PCDHGA10: variants seen among roughly 807,000 people sequenced by gnomAD.
PCDHGA10 encodes the protein protocadherin gamma subfamily A, 10, also known as protocadherin gamma-A10.
Under a neutral mutation model 59.5 loss-of-function variants are expected in PCDHGA10, and 42 were observed. That is an observed-to-expected ratio of 0.71 (90% CI 0.55 to 0.91). PCDHGA10 has a LOEUF of 0.91. Ranked by LOEUF, PCDHGA10 falls within the 40% of genes least tolerant of loss-of-function variation. The pLI, the probability that PCDHGA10 is intolerant of heterozygous loss-of-function variation, is 0.00. For missense variants in PCDHGA10, 1,111 were observed against 1,198.2 expected, an observed-to-expected ratio of 0.93 and a Z score of 1.07; for synonymous variants, 511 against 517.2, an observed-to-expected ratio of 0.99 and a Z score of 0.16.
Position 141,413,768 on chromosome 5 carries a change from TG to T in PCDHGA10, c.595del (p.Val199TyrfsTer6), listed in dbSNP as rs1158107882. The T allele has an allele frequency of 2.5e-6, 4 of 1,613,132 alleles. No homozygotes were observed. The highest frequency in any genetic ancestry group is 3.4e-6 in the Non-Finnish European group (4 of 1,179,898). ...SRANGVKYPE[L>X]VLEHSLDREE... ...GCCAATGGCGTCAAGTACCCGGAGC[TG>T]GTACTGGAGCACTCCCTAGATCGCG... is the stretch of plus-strand genomic sequence containing the variant. On this transcript the variant is annotated frameshift_variant, in exon 1 of 4. Coordinates refer to ENST00000398610, the MANE Select transcript of PCDHGA10 (RefSeq NM_018913.3). LOFTEE classifies it high-confidence loss of function.
At chr5:141,469,780 G>A (rs775691161) in intron 1 of PCDHGA10, among the ~76,000 whole-genome samples, 12 of 152,080 alleles carry the variant, frequency 7.9e-5, no homozygotes, top group Non-Finnish European at 1.8e-4. Context: ...ATTTATTACA[G>A]CGTTATTTGT....
In PCDHGA10 at chr5:141,415,130, A is replaced by G. The variant is rs2095833213; in HGVS notation, c.1955A>G (p.Asp652Gly). Residue 652 changes from aspartate to glycine, a missense_variant, in exon 1 of 4, where the codon GAC (aspartate) becomes GGC (glycine). By Grantham distance (94) the Asp-to-Gly change is moderately conservative (BLOSUM62 -1). Coordinates refer to ENST00000398610, the MANE Select transcript of PCDHGA10 (RefSeq NM_018913.3). ...CAAAGCCTCGTAGTGGCCGTCCAGG[A>G]CCACGGCCAGCCCCCTCTCTCCGCC... Reference protein sequence around the residue: ...LKQSLVVAVQDHGQPPLSATV... With the variant: ...LKQSLVVAVQGHGQPPLSATV... The G allele has an allele frequency of 1.9e-6, 3 of 1,613,636 alleles. No individual in the cohort carries two copies. Among genetic ancestry groups the G allele is most frequent in the South Asian group, 1.1e-5 (1 of 91,082 alleles).
In PCDHGA10 at chr5:141,511,618, T is replaced by C. The variant is rs1227028784; in HGVS notation, c.*445T>C. 4.3e-6 allele frequency: 1 copy of C among 232,232 alleles called. No homozygotes were observed. Among genetic ancestry groups the C allele is most frequent in the East Asian group, 9.9e-5 (1 of 10,122 alleles). 14.4% of individuals were successfully genotyped at this position (232,232 alleles called of 1,614,324 possible). A position where few individuals can be genotyped will look rare whatever the true frequency, so the allele number is the denominator to read the frequency against. ...AAGTAACCTACAAGCCTCCTAGTTCTGAAAAGTTGGAAGGGCATCATGACC... is the reference window on the plus strand; with the variant it reads ...AAGTAACCTACAAGCCTCCTAGTTCCGAAAAGTTGGAAGGGCATCATGACC... On this transcript the variant is annotated 3_prime_UTR_variant, in exon 4 of 4. Transcript: ENST00000398610.
chr5:141,505,468 G>A lies in PCDHGA10; in HGVS notation c.2571G>A (p.Leu857=). 1 of 1,614,212 alleles carries A rather than the reference G, an allele frequency of 6.2e-7. No homozygotes were observed. Among genetic ancestry groups the A allele is most frequent in the Non-Finnish European group, 8.5e-7 (1 of 1,180,020 alleles). The change falls in exon 3 of 4, where the codon TTG becomes TTA. Residue 857 remains leucine (L), a synonymous_variant. Coordinates refer to ENST00000398610, the MANE Select transcript of PCDHGA10 (RefSeq NM_018913.3). The stretch of plus-strand genomic sequence containing the variant: ...CAGAGATGCTGCAAGCCATGATCTT[G>A]GCGTCCGCCAGTGGTAAGTGGTGTC... The part of the protein sequence containing the change: ...FDTEMLQAMI[L]ASASEAADGS...
In PCDHGA10 at chr5:141,477,650, A is replaced by G. The variant is rs199931735; in HGVS notation, c.2437-17157A>G. ...CGGGCTAGTGGGTCGCTATTTCACA[A>G]TAAATCGTGACAATGGCATAGTGTC... On this transcript the variant is annotated intron_variant, in intron 1 of 3. Transcript: ENST00000398610. This position sits in a 1 kb window ranked among gnomAD's most constrained non-coding sequence, Gnocchi z 4.9. The G allele has an allele frequency of 6.2e-6, 10 of 1,614,212 alleles. No individual in the cohort carries two copies. The highest frequency in any genetic ancestry group is 2.2e-5 in the East Asian group (1 of 44,888).
At position 141,432,724 on chromosome 5, in the gene PCDHGA10, C is replaced by T. The variant is rs752394602; in HGVS notation, c.2436+17113C>T. ...AGGACCACGGCCAGCCCCCTCTCTCCGCCACTGTCACGCTCACCGTGGCCG... is the reference window on the plus strand; with the variant it reads ...AGGACCACGGCCAGCCCCCTCTCTCTGCCACTGTCACGCTCACCGTGGCCG... On this transcript the variant is annotated intron_variant, in intron 1 of 3. Coordinates refer to ENST00000398610, the MANE Select transcript of PCDHGA10 (RefSeq NM_018913.3). The surrounding 1 kb of genome is among the most constrained non-coding windows in gnomAD (Gnocchi z 6.0). The T allele has an allele frequency of 8.1e-6, 13 of 1,614,066 alleles. No individual in the cohort carries two copies. Among genetic ancestry groups the T allele is most frequent in the Middle Eastern group, 1.6e-4 (1 of 6,062 alleles).
At position 141,478,147 on chromosome 5, in the gene PCDHGA10, C is replaced by T. The variant is rs199689679; in HGVS notation, c.2437-16660C>T. On this transcript the variant is annotated intron_variant, in intron 1 of 3. Transcript: ENST00000398610. The stretch of plus-strand genomic sequence containing the variant: ...ACTCTCCTGAAGCCCGAGCCGAGTT[C>T]CCCTCTGGCTCTGCCCCCCGGGAGC... The T allele has an allele frequency of 2.0e-5, 32 of 1,614,076 alleles. 1 individual carries two copies. In the East Asian group the frequency reaches 5.3e-4, roughly 27 times the overall value.
In PCDHGA10 at chr5:141,487,161, T is replaced by G; in HGVS notation, c.2437-7646T>G. ...CTCTCTACCTCTGTTACTCTCTTAGTGTCCTTAGAGGAAGACACTCATCCA... is the reference window on the plus strand; with the variant it reads ...CTCTCTACCTCTGTTACTCTCTTAGGGTCCTTAGAGGAAGACACTCATCCA... On this transcript the variant is annotated intron_variant, in intron 1 of 3. Transcript: ENST00000398610. The surrounding 1 kb of genome is among the most constrained non-coding windows in gnomAD (Gnocchi z 5.0). The G allele has an allele frequency of 6.2e-7, 1 of 1,613,528 alleles. No individual in the cohort carries two copies. The highest frequency in any genetic ancestry group is 1.1e-5 in the South Asian group (1 of 91,072).
intron 1 of PCDHGA10, chr5:141,420,396 A>C: frequency 8.0e-7 from 1 of 1,250,930 alleles, no homozygotes; most frequent in Non-Finnish European, 1.1e-6. Context: ...ATATAGGTCA[A>C]ATTTATGGTT....
chr5:141,433,571 C>T lies in PCDHGA10; in HGVS notation c.2436+17960C>T, dbSNP rs2097625242. ...TCTTTTCTGGCTGGGCGCGGTGGCT[C>T]ACGCCTGTAATCCCAGTACTTTGGG... On this transcript the variant is annotated intron_variant, in intron 1 of 3. Coordinates refer to ENST00000398610, the MANE Select transcript of PCDHGA10 (RefSeq NM_018913.3). 3.9e-5 allele frequency among the ~76,000 whole-genome samples: 6 copies of T among 152,228 alleles called. No homozygotes were observed. The South Asian group carries it at 1.2e-3, about 32-fold the overall frequency.
chr5:141,476,562 C>A lies in PCDHGA10; in HGVS notation c.2437-18245C>A. On this transcript the variant is annotated intron_variant, in intron 1 of 3. Transcript: ENST00000398610. This position sits in a 1 kb window ranked among gnomAD's most constrained non-coding sequence, Gnocchi z 7.6. ...AAATTGGAGATTAGCGAGGCCGTGG[C>A]TCCGGGGACGCGCTTTCCGCTCGAG... 1 of 1,614,218 alleles carries A rather than the reference C, an allele frequency of 6.2e-7. No homozygotes were observed. The highest frequency in any genetic ancestry group is 8.5e-7 in the Non-Finnish European group (1 of 1,180,034).
intron 2 of PCDHGA10, among the ~76,000 whole-genome samples, chr5:141,495,703 GGAGT>G (rs2099763108): frequency 6.6e-6 from 1 of 152,098 alleles, no homozygotes; most frequent in South Asian, 2.1e-4. Context: ...CAATAAATGT[GGAGT>G]GAGTAACTAC....
rs1286991812 is a variant in PCDHGA10 at position 141,432,170 on chromosome 5, C to T, written c.2436+16559C>T. The T allele has an allele frequency of 1.2e-6, 2 of 1,614,072 alleles. No homozygotes were observed. The highest frequency in any genetic ancestry group is 1.7e-6 in the Non-Finnish European group (2 of 1,180,036). ...AGAGAACAATCCCAGAGGAGTTTCC[C>T]TCGTCTCTGTGACCGCCCACGACCC... On this transcript the variant is annotated intron_variant, in intron 1 of 3. Coordinates refer to ENST00000398610, the MANE Select transcript of PCDHGA10 (RefSeq NM_018913.3). This position sits in a 1 kb window ranked among gnomAD's most constrained non-coding sequence, Gnocchi z 6.0.
At chr5:141,427,007 C>T (rs1215109574) in intron 1 of PCDHGA10, 2 of 456,668 alleles carry the variant, frequency 4.4e-6, no homozygotes, top group Admixed American at 2.3e-5. Flanking sequence ...CAGTTTTTAG[C>T]CAGGATGTAT....
rs2099746025 is a variant in PCDHGA10 at position 141,493,066 on chromosome 5, T to C, written c.2437-1741T>C. On this transcript the variant is annotated intron_variant, in intron 1 of 3. Coordinates refer to ENST00000398610, the MANE Select transcript of PCDHGA10 (RefSeq NM_018913.3). This position sits in a 1 kb window ranked among gnomAD's most constrained non-coding sequence, Gnocchi z 4.3. ...AACTACAATAGTAAAAAACACAAGT[T>C]TCTCCAACTCCAGGAGCTTTTATTC... Among the ~76,000 whole-genome samples the C allele has an allele frequency of 6.6e-6, 1 of 152,202 alleles. No homozygotes were observed. Among genetic ancestry groups the C allele is most frequent in the East Asian group, 1.9e-4 (1 of 5,194 alleles).
In PCDHGA10 at chr5:141,510,915, A is replaced by G; in HGVS notation, c.2585-32A>G. 8 of 1,613,786 alleles carry G rather than the reference A, an allele frequency of 5.0e-6. No individual in the cohort carries two copies. The South Asian group carries it at 8.8e-5, about 18-fold the overall frequency. ...AGTGACTGTTGAGGACCCTAAGTTT[A>G]GCTCCCACCTGATCTTCCTCTGTCT... On this transcript the variant is annotated intron_variant, in intron 3 of 3. Coordinates refer to ENST00000398610, the MANE Select transcript of PCDHGA10 (RefSeq NM_018913.3).
At position 141,431,427 on chromosome 5, in the gene PCDHGA10, C is replaced by G. The variant is rs1269666597; in HGVS notation, c.2436+15816C>G. The stretch of plus-strand genomic sequence containing the variant: ...TCCGACGGGGGCGACCCGGTGCGCA[C>G]AGGCACCGCGCGCATCCGCGTGATG... On this transcript the variant is annotated intron_variant, in intron 1 of 3. Transcript: ENST00000398610. The surrounding 1 kb of genome is among the most constrained non-coding windows in gnomAD (Gnocchi z 4.8). 1.2e-6 allele frequency: 2 copies of G among 1,613,584 alleles called. No homozygotes were observed.
chr5:141,432,096 A>G lies in PCDHGA10; in HGVS notation c.2436+16485A>G, dbSNP rs763154183. On this transcript the variant is annotated intron_variant, in intron 1 of 3. Transcript: ENST00000398610. This position sits in a 1 kb window ranked among gnomAD's most constrained non-coding sequence, Gnocchi z 6.0. Reference sequence around the variant, plus strand: ...ATCTCGCTGAACGTGGCAGACACCAACGACAACCCGCCGGTCTTCCCTCAG... The same window carrying G: ...ATCTCGCTGAACGTGGCAGACACCAGCGACAACCCGCCGGTCTTCCCTCAG... The G allele has an allele frequency of 1.9e-6, 3 of 1,613,944 alleles. No homozygotes were observed. Among genetic ancestry groups the G allele is most frequent in the East Asian group, 2.2e-5 (1 of 44,870 alleles).
chr5:141,477,432 C>T lies in PCDHGA10; in HGVS notation c.2437-17375C>T, dbSNP rs1184041591. 6.2e-7 allele frequency: 1 copy of T among 1,614,186 alleles called. No individual in the cohort carries two copies. Among genetic ancestry groups the T allele is most frequent in the Admixed American group, 1.7e-5 (1 of 60,028 alleles). ...GACGCCGGAACCCCTTCCCTCTCAG[C>T]CCTTACAATAGTGCGTGTTCAAGTG... On this transcript the variant is annotated intron_variant, in intron 1 of 3. Transcript: ENST00000398610. This position sits in a 1 kb window ranked among gnomAD's most constrained non-coding sequence, Gnocchi z 4.9.
Sources: gnomAD v4.1 joint callset for allele counts (sites outside exome capture counted in the v4.1 genomes callset) on GRCh38, gnomAD v4.1.1 for gene constraint, Gnocchi (gnomAD v3.1) non-coding constraint, MANE v1.5 for transcripts, NCBI Gene and HGNC (gene_info 2026-07-23, HGNC 2026-07-21) for gene names.